Variants in SNHG17 observed in about 807,000 individuals in gnomAD.
SNHG17 encodes the protein small nucleolar RNA host gene 17 (non-protein coding).
intron 6 of SNHG17, chr20:38,421,728 T>A (rs1015499299): frequency 6.6e-6 from 1 of 152,242 alleles, no homozygotes; most frequent in Non-Finnish European, 1.5e-5. Flanking sequence ...CCCTGCACTG[T>A]TAATGATCGG....
At chr20:38,430,624 AAAATAAAT>A in intron 3 of SNHG17, among the ~76,000 whole-genome samples, 1 of 152,218 alleles carries the variant, frequency 6.6e-6, no homozygotes, top group Non-Finnish European at 1.5e-5. Context: ...TCTGTCTCAA[AAAATAAAT>A]AAATAAATAA....
intron 5 of SNHG17, among the ~76,000 whole-genome samples, chr20:38,423,195 G>C (rs1420774894): frequency 6.6e-6 from 1 of 151,104 alleles, no homozygotes; most frequent in Non-Finnish European, 1.5e-5. Flanking sequence ...CCAGGAGTTG[G>C]AGACCAGCCT....
rs116252513 is a variant in SNHG17, at chr20:38,424,922, G to C, written n.579+1013C>G. Among the ~76,000 whole-genome samples the C allele has an allele frequency of 4.9e-3, 750 of 152,316 alleles. 4 individuals carry two copies. The highest frequency in any genetic ancestry group is 0.017 in the African/African-American group (716 of 41,566). On this transcript the variant is annotated intron_variant and non_coding_transcript_variant, in intron 5 of 8. Transcript: ENST00000654008. ...TGTATGGTAGATGCATGTAACAATA[G>C]CTTCTTAGGAAATGAGGGTTGCCAT...
chr20:38,423,056 C>G (rs184576023), intron 5 of SNHG17, among the ~76,000 whole-genome samples: 7 of 151,198 alleles, frequency 4.6e-5, no homozygotes, highest in Admixed American at 3.9e-4. Context: ...CGCACCACTG[C>G]ACTCCAGCCT....
At chr20:38,426,873 G>A (rs1039013450) in intron 3 of SNHG17, among the ~76,000 whole-genome samples, 2 of 150,512 alleles carry the variant, frequency 1.3e-5, no homozygotes, top group Admixed American at 6.7e-5. Context: ...ACCCGGCTGT[G>A]CTCCCCTTGC....
intron 5 of SNHG17, among the ~76,000 whole-genome samples, chr20:38,423,817 A>G (rs1048281717): frequency 9.2e-5 from 14 of 152,200 alleles, no homozygotes; most frequent in African/African-American, 3.1e-4. Context: ...TGTGCTATCT[A>G]TATCTGTCCC....
chr20:38,432,554 G>A (rs910104463), intron 2 of SNHG17, among the ~76,000 whole-genome samples: 5 of 152,092 alleles, frequency 3.3e-5, no homozygotes, highest in South Asian at 2.1e-4. Context: ...GGTGGCCCAC[G>A]GACAAGACCG....
chr20:38,426,055 CA>C (rs3073133), intron 4 of SNHG17: 3,750 of 83,034 alleles, frequency 0.045, 37 homozygotes, highest in East Asian at 0.12. Context: ...GACCCTGCCT[CA>C]AAAAAAAAAA....
intron 5 of SNHG17, among the ~76,000 whole-genome samples, chr20:38,422,684 T>C (rs908301595): frequency 9.9e-5 from 15 of 151,912 alleles, no homozygotes; most frequent in Admixed American, 3.3e-4. Context: ...TTACTCCCAA[T>C]CGCCAAGATA....
At chr20:38,432,570 G>T (rs991597077) in intron 2 of SNHG17, among the ~76,000 whole-genome samples, 3 of 152,178 alleles carry the variant, frequency 2.0e-5, no homozygotes, top group African/African-American at 7.2e-5. Context: ...GACCGTCAAA[G>T]AGAACACCAT....
chr20:38,427,516 C>G, intron 3 of SNHG17: 1 of 397,840 alleles, frequency 2.5e-6, no homozygotes, highest in Non-Finnish European at 5.1e-6. Flanking sequence ...AAGTCAGGGA[C>G]AGTACAAGAC....
In SNHG17 at chr20:38,435,313, G is replaced by GGGACGGCGAA. The variant is rs1295787440; in HGVS notation, n.59_68dup. 12 of 1,231,302 alleles carry GGGACGGCGAA rather than the reference G, an allele frequency of 9.7e-6. No individual in the cohort carries two copies. The African/African-American group carries it at 1.9e-4, about 19-fold the overall frequency. 76.3% of individuals were successfully genotyped at this position (1,231,302 alleles called of 1,614,324 possible). ...GGCGTGCGATGGCGAAGGACGGCGAGGGACGGCGAAGGACTGAGGCCACAC... is the reference window on the plus strand; with the variant it reads ...GGCGTGCGATGGCGAAGGACGGCGAGGGACGGCGAAGGACGGCGAAGGACTGAGGCCACAC... On this transcript the variant is annotated non_coding_transcript_exon_variant, in exon 1 of 9. Transcript: ENST00000654008.
chr20:38,425,787 G>A (rs2084236418), intron 5 of SNHG17: 2 of 156,626 alleles, frequency 1.3e-5, no homozygotes, highest in African/African-American at 4.8e-5. Context: ...GGCCAGGCCT[G>A]GACTTACTAT....
chr20:38,424,523 A>T (rs116480094), intron 5 of SNHG17, among the ~76,000 whole-genome samples: 145 of 152,304 alleles, frequency 9.5e-4, no homozygotes, highest in African/African-American at 3.5e-3. Context: ...GCTCAATGGG[A>T]TAAGCCTTGT....
chr20:38,434,065 C>T (rs2084386946), intron 2 of SNHG17: 2 of 501,260 alleles, frequency 4.0e-6, no homozygotes, highest in Non-Finnish European at 8.0e-6. Flanking sequence ...AGGCTCACCC[C>T]CCAGGGAAGA....
At chr20:38,428,229 C>A (rs2084281800) in intron 3 of SNHG17, 1 of 152,282 alleles carries the variant, frequency 6.6e-6, no homozygotes, top group Non-Finnish European at 1.5e-5. Flanking sequence ...CCCCAGGCAG[C>A]TCCCTGCAGG....
At chr20:38,422,903 CA>C (rs1280916017) in intron 5 of SNHG17, among the ~76,000 whole-genome samples, 3 of 152,050 alleles carry the variant, frequency 2.0e-5, no homozygotes, top group Non-Finnish European at 1.5e-5. Flanking sequence ...CCAGACTGAC[CA>C]ACATGGTGAA....
chr20:38,428,114 G>C (rs923985280), intron 3 of SNHG17: 2 of 152,196 alleles, frequency 1.3e-5, no homozygotes, highest in African/African-American at 4.8e-5. Flanking sequence ...CCCCTACAAT[G>C]TTGCTAGGTT....
At chr20:38,425,281 A>G (rs1883388182) in intron 5 of SNHG17, 1 of 519,192 alleles carries the variant, frequency 1.9e-6, no homozygotes, top group African/African-American at 1.9e-5. Flanking sequence ...CTCTCCCTGC[A>G]CTATCAATGA....
Sources: gnomAD v4.1 joint callset for allele counts (sites outside exome capture counted in the v4.1 genomes callset) on GRCh38, gnomAD v4.1.1 for gene constraint, MANE v1.5 for transcripts, NCBI Gene and HGNC (gene_info 2026-07-23, HGNC 2026-07-21) for gene names.